Variants in AIG1 observed in about 807,000 individuals in gnomAD.
AIG1 encodes the protein androgen-induced gene 1 protein.
In AIG1, 23 loss-of-function variants were observed where a neutral mutation model predicts 31.4. That is an observed-to-expected ratio of 0.73 (90% CI 0.53 to 1.04). AIG1 has a LOEUF of 1.04. Ranked by LOEUF, AIG1 falls within the 50% of genes least tolerant of loss-of-function variation. The probability of loss-of-function intolerance (pLI) is 0.00; values close to 1 mark genes in which losing one functional copy is unlikely to be tolerated. For synonymous variants in AIG1, 100 were observed against 110.5 expected, an observed-to-expected ratio of 0.90 and a Z score of 0.60; for missense variants, 274 against 295.0, an observed-to-expected ratio of 0.93 and a Z score of 0.52.
At position 143,330,946 on chromosome 6, in the gene AIG1, G is replaced by A. The variant is rs1030845465; in HGVS notation, c.516-2336G>A. 3.3e-5 allele frequency among the ~76,000 whole-genome samples: 5 copies of A among 152,094 alleles called. No individual in the cohort carries two copies. The highest frequency in any genetic ancestry group is 7.4e-5 in the Non-Finnish European group (5 of 68,014). On this transcript the variant is annotated intron_variant, in intron 4 of 5. Coordinates refer to ENST00000357847, the MANE Select transcript of AIG1 (RefSeq NM_016108.4). The surrounding 1 kb of genome is among the most constrained non-coding windows in gnomAD (Gnocchi z 4.4). Reference sequence around the variant, plus strand: ...GTAGTTCTAACCATTTAATTTCTGCGGATTCTCACAACTGCTTCAGCTTTT... The same window carrying A: ...GTAGTTCTAACCATTTAATTTCTGCAGATTCTCACAACTGCTTCAGCTTTT...
chr6:143,175,613 T>A (rs1378650474), intron 3 of AIG1, among the ~76,000 whole-genome samples: 1 of 152,228 alleles, frequency 6.6e-6, no homozygotes, highest in Non-Finnish European at 1.5e-5. Context: ...GACTTTCCAG[T>A]GCATTTTGCA....
At chr6:143,134,455 T>G (rs1783551147) in intron 1 of AIG1, among the ~76,000 whole-genome samples, 1 of 151,796 alleles carries the variant, frequency 6.6e-6, no homozygotes, top group South Asian at 2.1e-4. Flanking sequence ...TTATATTGGT[T>G]TAGATTTCCA....
At chr6:143,140,113 T>C (rs1784123755) in intron 2 of AIG1, among the ~76,000 whole-genome samples, 1 of 152,166 alleles carries the variant, frequency 6.6e-6, no homozygotes, top group African/African-American at 2.4e-5. Context: ...TCTTACATGG[T>C]GGCAAGAGAG....
intron 1 of AIG1, among the ~76,000 whole-genome samples, chr6:143,085,190 A>C (rs1778651774): frequency 1.3e-5 from 2 of 152,162 alleles, no homozygotes; most frequent in Admixed American, 6.5e-5. Context: ...GACTGGGCTG[A>C]ATTCTCCAGA....
At chr6:143,168,165 ACTTG>A (rs1461416425) in intron 3 of AIG1, among the ~76,000 whole-genome samples, 4 of 152,122 alleles carry the variant, frequency 2.6e-5, no homozygotes, top group Admixed American at 2.6e-4. Flanking sequence ...ATTAATTTGT[ACTTG>A]CTTTTAATTC....
intron 1 of AIG1, 25 bp downstream of exon 1, chr6:143,061,091 C>T: frequency 6.2e-7 from 1 of 1,609,988 alleles, no homozygotes; most frequent in Non-Finnish European, 8.5e-7. Flanking sequence ...TCCCCCTGCT[C>T]GCCCCGCACC....
Position 143,136,980 on chromosome 6 carries a change from C to T in AIG1, c.287C>T (p.Pro96Leu). The change falls in exon 2 of 6, where the codon CCT (proline) becomes CTT (leucine). Residue 96 changes from proline (P) to leucine (L), a missense_variant. By Grantham distance (98) the Pro-to-Leu change is moderately conservative. Transcript: ENST00000357847. ...RDWMLAVLAF[P>L]VGVFVVAVFW... ...TGGATGTTAGCTGTGTTGGCCTTTCCTGTTGGGGTTGTGAGTATGATGGAG... is the reference window on the plus strand; with the variant it reads ...TGGATGTTAGCTGTGTTGGCCTTTCTTGTTGGGGTTGTGAGTATGATGGAG... The T allele has an allele frequency of 7.0e-7, 1 of 1,429,156 alleles. No homozygotes were observed. The highest frequency in any genetic ancestry group is 9.3e-7 in the Non-Finnish European group (1 of 1,073,046). The allele number at this position is 1,429,156 out of a possible 1,614,324, so 88.5% of individuals were successfully genotyped here.
chr6:143,179,746 T>C (rs1184250449), intron 3 of AIG1, among the ~76,000 whole-genome samples: 1 of 152,244 alleles, frequency 6.6e-6, no homozygotes, highest in African/African-American at 2.4e-5. Flanking sequence ...AATCTTTTTG[T>C]ATAAATACTA....
In AIG1 at chr6:143,330,912, T is replaced by C. The variant is rs1777022727; in HGVS notation, c.516-2370T>C. 6.6e-6 allele frequency among the ~76,000 whole-genome samples: 1 copy of C among 152,228 alleles called. No homozygotes were observed. Among genetic ancestry groups the C allele is most frequent in the African/African-American group, 2.4e-5 (1 of 41,466 alleles). ...GGACAAACAATATGATATCTCAGAATCCCACAGGGTAGTTCTAACCATTTA... is the reference window on the plus strand; with the variant it reads ...GGACAAACAATATGATATCTCAGAACCCCACAGGGTAGTTCTAACCATTTA... On this transcript the variant is annotated intron_variant, in intron 4 of 5. Transcript: ENST00000357847. This position sits in a 1 kb window ranked among gnomAD's most constrained non-coding sequence, Gnocchi z 4.4.
chr6:143,187,564 A>G, intron 3 of AIG1: 2 of 1,536,084 alleles, frequency 1.3e-6, no homozygotes, highest in Non-Finnish European at 1.7e-6. Context: ...GCATAAAAAT[A>G]TGAAAAGCAA....
chr6:143,340,553 C>T lies in AIG1; in HGVS notation c.*877C>T, dbSNP rs1316910455. 3.3e-5 allele frequency among the ~76,000 whole-genome samples: 5 copies of T among 152,100 alleles called. No homozygotes were observed. Among genetic ancestry groups the T allele is most frequent in the African/African-American group, 7.2e-5 (3 of 41,414 alleles). On this transcript the variant is annotated 3_prime_UTR_variant, in exon 6 of 6. Coordinates refer to ENST00000357847, the MANE Select transcript of AIG1 (RefSeq NM_016108.4). ...TCAGCTCACGGCAAGCTCCGCTTCC[C>T]GGGTTCATGCCATTCTCCTGCCTTC...
At chr6:143,191,519 A>T (rs993503530) in intron 3 of AIG1, among the ~76,000 whole-genome samples, 2 of 152,172 alleles carry the variant, frequency 1.3e-5, no homozygotes, top group Non-Finnish European at 2.9e-5. Flanking sequence ...ATTTTCTTGG[A>T]TCTCATTACT....
intron 2 of AIG1, among the ~76,000 whole-genome samples, chr6:143,155,399 A>G (rs1219169502): frequency 6.6e-6 from 1 of 151,756 alleles, no homozygotes; most frequent in African/African-American, 2.4e-5. Context: ...TGTGGGGGGG[A>G]TATCTAAGCT....
chr6:143,137,294 TA>T (rs1416490881), intron 2 of AIG1, among the ~76,000 whole-genome samples: 1 of 152,198 alleles, frequency 6.6e-6, no homozygotes, highest in Non-Finnish European at 1.5e-5. Context: ...TGTCTTTGCC[TA>T]AACTTCCTAT....
rs889960716 is a variant in AIG1 at position 143,328,568 on chromosome 6, C to G, written c.516-4714C>G. Among the ~76,000 whole-genome samples the G allele has an allele frequency of 6.6e-6, 1 of 152,192 alleles. No individual in the cohort carries two copies. Among genetic ancestry groups the G allele is most frequent in the East Asian group, 1.9e-4 (1 of 5,190 alleles). On this transcript the variant is annotated intron_variant, in intron 4 of 5. Transcript: ENST00000357847. This position sits in a 1 kb window ranked among gnomAD's most constrained non-coding sequence, Gnocchi z 4.0. ...TCTGTGTTTCTCATTACACTGTACT[C>G]CATGAGGACAGGAGTTAGCTCTGCC...
chr6:143,106,913 G>T (rs973994999), intron 1 of AIG1, among the ~76,000 whole-genome samples: 1 of 152,012 alleles, frequency 6.6e-6, no homozygotes, highest in Non-Finnish European at 1.5e-5. Context: ...CTCTCTCTCG[G>T]GCCTCTTTTA....
In AIG1 at chr6:143,248,304, T is replaced by C. The variant is rs576720852; in HGVS notation, c.400-35806T>C. On this transcript the variant is annotated intron_variant, in intron 3 of 5. Transcript: ENST00000357847. Reference sequence around the variant, plus strand: ...GAGCTAGGGTTTGCCGCTGTTTGCATAGAGTACGTCACAATGGAACACATA... The same window carrying C: ...GAGCTAGGGTTTGCCGCTGTTTGCACAGAGTACGTCACAATGGAACACATA... Among the ~76,000 whole-genome samples, 15 of 152,332 alleles carry C rather than the reference T, an allele frequency of 9.8e-5. No homozygotes were observed. In the South Asian group the frequency reaches 2.1e-3, roughly 21 times the overall value.
At chr6:143,252,849 G>A (rs1795105289) in intron 3 of AIG1, among the ~76,000 whole-genome samples, 1 of 152,182 alleles carries the variant, frequency 6.6e-6, no homozygotes, top group Non-Finnish European at 1.5e-5. Flanking sequence ...CTTATCTGAG[G>A]GATTGACCGG....
chr6:143,165,655 A>C (rs1237756343), intron 3 of AIG1, among the ~76,000 whole-genome samples: 2 of 152,174 alleles, frequency 1.3e-5, no homozygotes, highest in Non-Finnish European at 2.9e-5. Context: ...TCTTTCAGAG[A>C]TCTGCTGCAG....
Sources: gnomAD v4.1 joint callset for allele counts (sites outside exome capture counted in the v4.1 genomes callset) on GRCh38, gnomAD v4.1.1 for gene constraint, Gnocchi (gnomAD v3.1) non-coding constraint, MANE v1.5 for transcripts, NCBI Gene and HGNC (gene_info 2026-07-23, HGNC 2026-07-21) for gene names.